Variants in DNAH3 observed in about 807,000 individuals in gnomAD.
The protein encoded by DNAH3 is axonemal beta dynein heavy chain 3.
A neutral mutation model predicts 432.5 loss-of-function variants in DNAH3; 332 were observed. The ratio of observed to expected loss-of-function variants is 0.77; its 90% CI spans 0.70 to 0.84. The LOEUF (loss-of-function observed/expected upper bound fraction) is 0.84. Ranked by LOEUF, DNAH3 falls within the 40% of genes least tolerant of loss-of-function variation. The pLI is 0.00. For synonymous variants in DNAH3, 1,956 were observed against 1,900.2 expected (o/e 1.03, Z -0.76); for missense variants, 4,861 against 5,114.0 (o/e 0.95, Z 1.51).
At chr16:20,966,014 A>ATTTTTTTTTTTTTTTTT (rs555983378) in intron 52 of DNAH3, among the ~76,000 whole-genome samples, 2 of 48,390 alleles carry the variant, frequency 4.1e-5, no homozygotes, top group African/African-American at 1.6e-4. Flanking sequence ...TGCCCAGCCA[A>ATTTTTTTTTTTTTTTTT]TTTTTTTTTT....
At chr16:21,032,572 G>T (rs997016415) in intron 36 of DNAH3, among the ~76,000 whole-genome samples, 1 of 152,188 alleles carries the variant, frequency 6.6e-6, no homozygotes, top group African/African-American at 2.4e-5. Context: ...CAGCACTTTG[G>T]GAGGCTGAGG....
chr16:21,103,653 C>T (rs2091888394), intron 16 of DNAH3, among the ~76,000 whole-genome samples: 1 of 152,172 alleles, frequency 6.6e-6, no homozygotes, highest in South Asian at 2.1e-4. Flanking sequence ...CCAAAACTCT[C>T]CCATTTGGTG....
rs559911574 is a variant in DNAH3, at chr16:21,090,271, C to T, written c.2666-3211G>A. Among the ~76,000 whole-genome samples, 7 of 150,882 alleles carry T rather than the reference C, an allele frequency of 4.6e-5. No homozygotes were observed. In the East Asian group the frequency reaches 1.4e-3, roughly 29 times the overall value. ...CATTAGAAGAAGAAAAAAATAACAG[C>T]AAAACCTGTATAATCTCATCTAAAA... is the stretch of plus-strand genomic sequence containing the variant. On this transcript the variant is annotated intron_variant, in intron 18 of 61. Coordinates refer to ENST00000261383, the Ensembl canonical transcript of DNAH3.
chr16:21,053,346 G>GA (rs1286718465), intron 28 of DNAH3, among the ~76,000 whole-genome samples: 2 of 152,154 alleles, frequency 1.3e-5, no homozygotes, highest in Admixed American at 6.6e-5. Context: ...CAAGGAAGAG[G>GA]GTATAGGGCA....
chr16:21,066,581 C>T (rs560583597), intron 24 of DNAH3, among the ~76,000 whole-genome samples: 59 of 152,262 alleles, frequency 3.9e-4, no homozygotes, highest in Admixed American at 9.2e-4. Context: ...CTTGTCCAGG[C>T]TGGTCTCAAA....
At position 21,014,051 on chromosome 16, in the gene DNAH3, T is replaced by C. The variant is rs189753576; in HGVS notation, c.6022+5573A>G. On this transcript the variant is annotated intron_variant, in intron 41 of 61. Coordinates refer to ENST00000261383, the Ensembl canonical transcript of DNAH3. ...ATTCTCTACAATCTCTTAGAGAAAA[T>C]AGAAGCAGAGGACACACTTTATAAC... Among the ~76,000 whole-genome samples the C allele has an allele frequency of 2.6e-5, 4 of 152,158 alleles. 1 individual carries two copies. Among genetic ancestry groups the C allele is most frequent in the Admixed American group, 6.6e-5 (1 of 15,266 alleles).
chr16:21,086,876 T>C (rs1285857699), exon 19 of DNAH3: 2 of 1,614,076 alleles, frequency 1.2e-6, no homozygotes. Flanking sequence ...CTTTCATTCC[T>C]GGGTTGCAGG....
intron 54 of DNAH3, among the ~76,000 whole-genome samples, chr16:20,957,112 C>T (rs915834726): frequency 3.3e-5 from 5 of 152,152 alleles, no homozygotes; most frequent in African/African-American, 1.2e-4. Context: ...GTGGCCTAAT[C>T]CGACTTTGTA....
chr16:21,000,450 G>T, exon 43 of DNAH3: 8 of 1,613,998 alleles, frequency 5.0e-6, no homozygotes, highest in Non-Finnish European at 6.8e-6. Flanking sequence ...GAATCTCATG[G>T]TCTAAGTAGG....
chr16:21,146,279 G>A (rs1037622110), intron 1 of DNAH3, among the ~76,000 whole-genome samples, 191 bp from the exon 3 acceptor site: 5 of 152,134 alleles, frequency 3.3e-5, no homozygotes, highest in Non-Finnish European at 7.4e-5. Context: ...ATAAGGGCTG[G>A]GTGCGGTAGC....
chr16:21,153,654 C>T (rs925759434), intron 1 of DNAH3, among the ~76,000 whole-genome samples: 2 of 152,208 alleles, frequency 1.3e-5, no homozygotes, highest in Non-Finnish European at 2.9e-5. Flanking sequence ...TCTGCAGCTT[C>T]ACTCCTGCGC....
intron 20 of DNAH3, among the ~76,000 whole-genome samples, chr16:21,080,034 C>T (rs1337349746): frequency 6.6e-6 from 1 of 152,076 alleles, no homozygotes; most frequent in Admixed American, 6.6e-5. Context: ...TAAAGTTTCT[C>T]GCCTGTAATC....
intron 44 of DNAH3, among the ~76,000 whole-genome samples, chr16:20,994,418 C>T (rs552321182): frequency 3.9e-5 from 6 of 151,906 alleles, no homozygotes; most frequent in East Asian, 1.9e-4. Flanking sequence ...GCGACAAGAG[C>T]GAGACTCTGT....
chr16:21,154,464 T>A (rs1567888214), intron 1 of DNAH3, among the ~76,000 whole-genome samples: 1 of 151,986 alleles, frequency 6.6e-6, no homozygotes, highest in Non-Finnish European at 1.5e-5. Flanking sequence ...GGCCTGTGTG[T>A]GAGTAGGAGG....
Position 21,154,066 on chromosome 16 carries a change from C to T in DNAH3, c.117+5259G>A, listed in dbSNP as rs146847149. Among the ~76,000 whole-genome samples the T allele has an allele frequency of 1.1e-4, 17 of 152,270 alleles. No homozygotes were observed. The East Asian group carries it at 3.3e-3, about 29-fold the overall frequency. On this transcript the variant is annotated intron_variant, in intron 1 of 61. Transcript: ENST00000261383. ...AGGTCTCCTATACTGGGTGTGAAAC[C>T]TCATGTCCCACCAAAAACAGCAACT...
In DNAH3 at chr16:20,946,497, T is replaced by G. The variant is rs575707247; in HGVS notation, c.11344-1834A>C. ...CTCCTGAGGGCTGTGTCACGGGCCA[T>G]GGTCACTCATATTTGGCTCAGTATA... is the stretch of plus-strand genomic sequence containing the variant. On this transcript the variant is annotated intron_variant, in intron 57 of 61. Coordinates refer to ENST00000261383, the Ensembl canonical transcript of DNAH3. 2.6e-5 allele frequency among the ~76,000 whole-genome samples: 4 copies of G among 152,350 alleles called. No individual in the cohort carries two copies. In the East Asian group the frequency reaches 7.7e-4, roughly 29 times the overall value.
chr16:21,123,391 T>C (rs1459600072), intron 9 of DNAH3, among the ~76,000 whole-genome samples: 1 of 152,246 alleles, frequency 6.6e-6, no homozygotes, highest in African/African-American at 2.4e-5. Context: ...GTATATCAAA[T>C]ACCTATAAAT....
chr16:21,063,088 C>T (rs1388316785), intron 24 of DNAH3: 4 of 168,570 alleles, frequency 2.4e-5, no homozygotes, highest in Admixed American at 2.4e-4. Flanking sequence ...TAAAAGCTGG[C>T]ATGTGTGGGT....
intron 11 of DNAH3, among the ~76,000 whole-genome samples, chr16:21,119,171 A>C (rs2152810272): frequency 6.6e-6 from 1 of 152,300 alleles, no homozygotes; most frequent in African/African-American, 2.4e-5. Flanking sequence ...TTAGGGCAGC[A>C]CAATTGGTGC....
Sources: gnomAD v4.1 joint callset for allele counts (sites outside exome capture counted in the v4.1 genomes callset) on GRCh38, gnomAD v4.1.1 for gene constraint, MANE v1.5 for transcripts, NCBI Gene and HGNC (gene_info 2026-07-23, HGNC 2026-07-21) for gene names.